Variants in SLC8A2 observed in about 807,000 individuals in gnomAD.
The protein encoded by SLC8A2 is sodium/calcium exchanger 2.
A neutral mutation model predicts 70.2 loss-of-function variants in SLC8A2; 14 were observed. That is an observed-to-expected ratio of 0.20 (90% CI 0.13 to 0.31). The LOEUF (loss-of-function observed/expected upper bound fraction) is 0.31, where lower values mean the gene tolerates loss of function less well. Ranked by LOEUF, SLC8A2 falls within the 10% of genes least tolerant of loss-of-function variation. The pLI, the probability that SLC8A2 is intolerant of heterozygous loss-of-function variation, is 1.00. For missense variants in SLC8A2, 779 were observed against 1,320.1 expected (o/e 0.59, Z 6.35); for synonymous variants, 575 against 594.3 (o/e 0.97, Z 0.47).
chr19:47,455,745 T>C (rs1410683330), intron 3 of SLC8A2, among the ~76,000 whole-genome samples: 1 of 152,174 alleles, frequency 6.6e-6, no homozygotes, highest in Non-Finnish European at 1.5e-5. Flanking sequence ...AGAGATCTTA[T>C]CTATCTTGGT....
intron 3 of SLC8A2, 89 bp downstream of exon 3, chr19:47,456,841 T>G (rs1304293201): frequency 7.9e-7 from 1 of 1,263,428 alleles, no homozygotes; most frequent in African/African-American, 1.5e-5. Context: ...CAGGAGTCAG[T>G]TGGGAGGCGA....
chr19:47,460,626 G>A (rs549585938), intron 2 of SLC8A2, among the ~76,000 whole-genome samples: 1 of 151,984 alleles, frequency 6.6e-6, no homozygotes, highest in African/African-American at 2.4e-5. Flanking sequence ...GAGCCCAGGA[G>A]GGGGAGGTTG....
At chr19:47,437,811 A>G in intron 7 of SLC8A2, 38 bp downstream of exon 7, 1 of 1,613,114 alleles carries the variant, frequency 6.2e-7, no homozygotes, top group Non-Finnish European at 8.5e-7. Context: ...GAAATGAACC[A>G]GGCTGGACTC....
intron 8 of SLC8A2, among the ~76,000 whole-genome samples, chr19:47,436,903 C>T (rs1967036515): frequency 6.6e-6 from 1 of 152,068 alleles, no homozygotes; most frequent in South Asian, 2.1e-4. Context: ...TCCAGGGCAA[C>T]GGAGGAACCC....
Position 47,447,823 on chromosome 19 carries a change from G to A in SLC8A2, c.1749C>T (p.Gly583=), listed in dbSNP as rs1220728587. Reference sequence around the variant, plus strand: ...GGCGTGCTCACATGGTCTCGTCGTCGCCAAACTCCAGCTCTCCGCACGCGT... The same window carrying A: ...GGCGTGCTCACATGGTCTCGTCGTCACCAAACTCCAGCTCTCCGCACGCGT... ...YEDACGELEF[G]DDETMKTLQV... The change falls in exon 4 of 10, where the codon GGC becomes GGT. Residue 583 remains glycine, a synonymous_variant. Coordinates refer to ENST00000236877, the MANE Select transcript of SLC8A2 (RefSeq NM_015063.3). The surrounding 1 kb of genome is among the most constrained non-coding windows in gnomAD (Gnocchi z 5.1). 2 of 1,590,472 alleles carry A rather than the reference G, an allele frequency of 1.3e-6. No individual in the cohort carries two copies. Among genetic ancestry groups the A allele is most frequent in the South Asian group, 1.1e-5 (1 of 89,494 alleles).
intron 3 of SLC8A2, among the ~76,000 whole-genome samples, chr19:47,451,205 T>TC (rs1967230805): frequency 2.6e-5 from 4 of 152,068 alleles, no homozygotes; most frequent in Admixed American, 2.6e-4. Context: ...AGATGGGGTT[T>TC]CACCATGTTG....
intron 3 of SLC8A2, 105 bp downstream of exon 3, chr19:47,456,825 A>G: frequency 8.9e-7 from 1 of 1,120,798 alleles, no homozygotes; most frequent in Non-Finnish European, 1.2e-6. Context: ...GAACCAATGA[A>G]TCCTGCAGGA....
chr19:47,469,805 G>A (rs188339508), intron 1 of SLC8A2, among the ~76,000 whole-genome samples: 3 of 152,302 alleles, frequency 2.0e-5, no homozygotes, highest in Admixed American at 6.5e-5. Context: ...GGGTGGGAGC[G>A]GGGAGGGCAG....
Position 47,466,008 on chromosome 19 carries a change from C to A in SLC8A2, c.396G>T (p.Thr132=), listed in dbSNP as rs61744638. Residue 132 remains threonine (T), a synonymous_variant, in exon 2 of 10, where the codon ACG becomes ACT. Coordinates refer to ENST00000236877, the MANE Select transcript of SLC8A2 (RefSeq NM_015063.3). The surrounding 1 kb of genome is among the most constrained non-coding windows in gnomAD (Gnocchi z 6.9). ...RIWNETVSNL[T]LMALGSSAPE... is the part of the protein sequence containing the mutation. ...GTGCGGAGGAGCCCAGGGCCATGAG[C>A]GTGAGGTTGGACACCGTCTCATTCC... 1.6e-3 allele frequency: 2,622 copies of A among 1,614,082 alleles called. 28 individuals are homozygous for A. In the African/African-American group the frequency reaches 0.031, roughly 19 times the overall value.
In SLC8A2 at chr19:47,457,090, T is replaced by C. The variant is rs755719034; in HGVS notation, c.1180A>G (p.Ser394Gly). The change falls in exon 3 of 10, where the codon AGC becomes GGC. Residue 394 changes from serine to glycine, a missense_variant. Ser to Gly is a moderately conservative substitution (Grantham distance 56). Transcript: ENST00000236877. ...GAGEDEDDGA[S>G]RIFFEPSLYH... The stretch of plus-strand genomic sequence containing the variant: ...AGGCTAGGCTCGAAGAAGATGCGGC[T>C]GGCGCCGTCGTCTTCGTCCTCGCCC... 1 of 1,569,568 alleles carries C rather than the reference T, an allele frequency of 6.4e-7. No homozygotes were observed. The highest frequency in any genetic ancestry group is 2.4e-5 in the East Asian group (1 of 42,194).
chr19:47,445,477 T>A (rs1460227769), intron 4 of SLC8A2, among the ~76,000 whole-genome samples: 7 of 152,128 alleles, frequency 4.6e-5, no homozygotes, highest in Non-Finnish European at 1.0e-4. Flanking sequence ...AGTTCTGTTA[T>A]TCTGTCTTCA....
At chr19:47,458,021 T>G (rs1156499074) in intron 2 of SLC8A2, among the ~76,000 whole-genome samples, 1 of 151,956 alleles carries the variant, frequency 6.6e-6, no homozygotes, top group Non-Finnish European at 1.5e-5. Context: ...CAGCTAAGTT[T>G]TGTATTTTTT....
intron 4 of SLC8A2, among the ~76,000 whole-genome samples, chr19:47,442,015 T>C (rs1342609864): frequency 1.3e-5 from 2 of 152,138 alleles, no homozygotes; most frequent in Admixed American, 1.3e-4. Context: ...GGCAGGAGAA[T>C]TGCTTGAACC....
intron 7 of SLC8A2, 84 bp from the exon 8 acceptor site, chr19:47,437,645 C>T: frequency 8.0e-7 from 1 of 1,246,342 alleles, no homozygotes; most frequent in Non-Finnish European, 1.2e-6. Context: ...CGGGGGCTCA[C>T]AGCCTGTGCC....
chr19:47,444,700 G>C (rs1260411573), intron 4 of SLC8A2, among the ~76,000 whole-genome samples: 4 of 152,194 alleles, frequency 2.6e-5, no homozygotes, highest in East Asian at 1.9e-4. Context: ...AACTGCGCCT[G>C]GCAGGCGCAC....
rs1300551812 is a variant in SLC8A2 at position 47,447,757 on chromosome 19, C to G, written c.1763+52G>C. On this transcript the variant is annotated intron_variant, in intron 4 of 9. Coordinates refer to ENST00000236877, the MANE Select transcript of SLC8A2 (RefSeq NM_015063.3). This position sits in a 1 kb window ranked among gnomAD's most constrained non-coding sequence, Gnocchi z 5.1. ...GCCCCGCCCCTGAGCCACATCAGGC[C>G]TCGCCCATTCCGAAGCCCCGCCCCT... The G allele has an allele frequency of 1.3e-6, 2 of 1,502,152 alleles. No homozygotes were observed. Among genetic ancestry groups the G allele is most frequent in the African/African-American group, 2.9e-5 (2 of 69,728 alleles). The allele number at this position is 1,502,152 out of a possible 1,614,324, so 93.1% of individuals were successfully genotyped here. A position where few individuals can be genotyped will look rare whatever the true frequency, so the allele number is the denominator to read the frequency against.
At position 47,437,569 on chromosome 19, in the gene SLC8A2, T is replaced by G; in HGVS notation, c.2011-8A>C. ...GAGTTTATCCACCGTGTTCTGGGGA[T>G]GAGAGGGTGGGGGAGAGGTCACTGC... On this transcript the variant is annotated splice_polypyrimidine_tract_variant and splice_region_variant and intron_variant, in intron 7 of 9. Coordinates refer to ENST00000236877, the MANE Select transcript of SLC8A2 (RefSeq NM_015063.3). The G allele has an allele frequency of 6.2e-7, 1 of 1,605,290 alleles. No individual in the cohort carries two copies. The highest frequency in any genetic ancestry group is 8.5e-7 in the Non-Finnish European group (1 of 1,172,044).
intron 3 of SLC8A2, among the ~76,000 whole-genome samples, chr19:47,456,274 A>G (rs1967302289): frequency 6.6e-6 from 1 of 152,248 alleles, no homozygotes; most frequent in Non-Finnish European, 1.5e-5. Flanking sequence ...CATCATGTGC[A>G]CTGAATGCCT....
intron 8 of SLC8A2, among the ~76,000 whole-genome samples, chr19:47,435,640 C>G (rs1331430918): frequency 5.9e-5 from 9 of 151,744 alleles, no homozygotes; most frequent in Non-Finnish European, 1.3e-4. Context: ...CCTCTGCCTC[C>G]CAGGTTCAAG....
Sources: gnomAD v4.1 joint callset for allele counts (sites outside exome capture counted in the v4.1 genomes callset) on GRCh38, gnomAD v4.1.1 for gene constraint, Gnocchi (gnomAD v3.1) non-coding constraint, MANE v1.5 for transcripts, NCBI Gene and HGNC (gene_info 2026-07-23, HGNC 2026-07-21) for gene names.